ACCSL: variants seen among roughly 807,000 people sequenced by gnomAD.
The protein encoded by ACCSL is 1-aminocyclopropane-1-carboxylate synthase homolog (inactive) like.
ACCSL carries 55 observed loss-of-function variants against 61.7 expected under a neutral mutation model. That is an observed-to-expected ratio of 0.89 (90% CI 0.72 to 1.12). ACCSL has a LOEUF of 1.12. Ranked by LOEUF, ACCSL falls within the 50% of genes most tolerant of loss-of-function variation. The pLI, the probability that ACCSL is intolerant of heterozygous loss-of-function variation, is 0.00. For synonymous variants in ACCSL, 258 were observed against 264.3 expected (o/e 0.98, Z 0.23); for missense variants, 632 against 698.0 (o/e 0.91, Z 1.07).
Position 44,052,667 on chromosome 11 carries a change from T to A in ACCSL, c.778T>A (p.Phe260Ile), listed in dbSNP as rs1952646591. The A allele has an allele frequency of 1.9e-6, 3 of 1,614,144 alleles. No homozygotes were observed. The highest frequency in any genetic ancestry group is 2.5e-6 in the Non-Finnish European group (3 of 1,179,974). ...CTGTCTCTCTGTGTTTCCAGAGGCC[T>A]TCCTGGTCCCTGCTCCCTTCTATGG... ...AMVLCDPGEA[F>I]LVPAPFYGGF... Residue 260 changes from phenylalanine (F) to isoleucine (I), a missense_variant, in exon 6 of 14, where the codon TTC becomes ATC. Transcript: ENST00000378832.
chr11:44,045,537 A>G (rs1461276818), upstream of ACCSL, among the ~76,000 whole-genome samples: 3 of 152,128 alleles, frequency 2.0e-5, no homozygotes, highest in Non-Finnish European at 4.4e-5. Context: ...TTTGCTATAT[A>G]AATCTGCCCT....
the ACCSL span, among the ~76,000 whole-genome samples, chr11:43,949,331 G>T: frequency 1.3e-4 from 20 of 152,108 alleles, no homozygotes; most frequent in Admixed American, 1.3e-3. Flanking sequence ...GTGTTACAAC[G>T]GTCTGCTGGG....
At chr11:43,933,111 A>G in the ACCSL span, 15 of 456,118 alleles carry the variant, frequency 3.3e-5, no homozygotes, top group African/African-American at 2.6e-4. Flanking sequence ...CTCTGCTTCC[A>G]AGGGAGAGAC....
chr11:44,007,045 C>T, the ACCSL span, among the ~76,000 whole-genome samples: 2 of 152,084 alleles, frequency 1.3e-5, no homozygotes, highest in African/African-American at 2.4e-5. Context: ...ACACTACCCC[C>T]GGGGGCCAAA....
At chr11:43,958,961 G>A in the ACCSL span, among the ~76,000 whole-genome samples, 1 of 152,144 alleles carries the variant, frequency 6.6e-6, no homozygotes, top group Non-Finnish European at 1.5e-5. Flanking sequence ...ATCCTTTGGA[G>A]GGGATGAACA....
the ACCSL span, among the ~76,000 whole-genome samples, chr11:43,956,161 C>T: frequency 8.0e-5 from 12 of 150,882 alleles, no homozygotes; most frequent in Admixed American, 7.9e-4. Flanking sequence ...GGAGTCTTTA[C>T]AGCTCAGCGT....
the ACCSL span, among the ~76,000 whole-genome samples, chr11:43,922,586 T>C: frequency 6.6e-6 from 1 of 152,214 alleles, no homozygotes; most frequent in Non-Finnish European, 1.5e-5. Context: ...TTGGGGAAGC[T>C]CCTTTTGAGG....
At chr11:44,019,927 C>T in the ACCSL span, among the ~76,000 whole-genome samples, 2 of 152,196 alleles carry the variant, frequency 1.3e-5, no homozygotes, top group East Asian at 3.8e-4. Flanking sequence ...AATTTTTGCA[C>T]ATGGTATAAG....
chr11:44,009,951 G>T, the ACCSL span, among the ~76,000 whole-genome samples: 1 of 152,140 alleles, frequency 6.6e-6, no homozygotes, highest in Admixed American at 6.5e-5. Flanking sequence ...TCTTATTAAT[G>T]ATGGTAAATG....
the ACCSL span, among the ~76,000 whole-genome samples, chr11:43,990,304 T>C: frequency 6.6e-6 from 1 of 152,156 alleles, no homozygotes; most frequent in Admixed American, 6.5e-5. Flanking sequence ...TTATAAATCA[T>C]AGTAATTTAT....
At chr11:44,013,706 A>G in the ACCSL span, among the ~76,000 whole-genome samples, 1 of 152,198 alleles carries the variant, frequency 6.6e-6, no homozygotes, top group African/African-American at 2.4e-5. Flanking sequence ...TTGTGAGCAT[A>G]TAGTGATTCT....
chr11:44,006,980 A>T, the ACCSL span, among the ~76,000 whole-genome samples: 1 of 152,182 alleles, frequency 6.6e-6, no homozygotes, highest in East Asian at 1.9e-4. Context: ...GAGCGTCAAG[A>T]ATCCTCGTAG....
the ACCSL span, among the ~76,000 whole-genome samples, chr11:43,953,508 G>A: frequency 3.7e-5 from 5 of 136,014 alleles, no homozygotes; most frequent in East Asian, 2.2e-4. Context: ...GTGACAGAGC[G>A]AGACTCTGAC....
chr11:43,942,518 G>T, the ACCSL span: 1 of 233,094 alleles, frequency 4.3e-6, no homozygotes, highest in Non-Finnish European at 8.7e-6. Flanking sequence ...GCGGCGGGGC[G>T]ACGTCAGGCG....
chr11:43,996,886 C>A, the ACCSL span, among the ~76,000 whole-genome samples: 3 of 151,608 alleles, frequency 2.0e-5, no homozygotes, highest in African/African-American at 7.3e-5. Flanking sequence ...ACACTCGGCT[C>A]ACTGCAACCT....
chr11:43,994,344 G>A, the ACCSL span, among the ~76,000 whole-genome samples: 1,241 of 152,304 alleles, frequency 8.1e-3, 12 homozygotes, highest in East Asian at 0.03. Flanking sequence ...GTCTGCATGT[G>A]CAGCTGTTAT....
the ACCSL span, among the ~76,000 whole-genome samples, chr11:44,027,624 A>T: frequency 6.6e-6 from 1 of 152,146 alleles, no homozygotes; most frequent in African/African-American, 2.4e-5. Context: ...AGGTTAAAGG[A>T]GGTGAAGAAA....
chr11:44,030,057 A>ATT, the ACCSL span, among the ~76,000 whole-genome samples: 257 of 4,446 alleles, frequency 0.058, 98 homozygotes, highest in African/African-American at 0.063. Flanking sequence ...TCTTTGGTTG[A>ATT]TTTTTTTTTT....
chr11:43,969,936 G>GTCCC, the ACCSL span, among the ~76,000 whole-genome samples: 1 of 151,490 alleles, frequency 6.6e-6, no homozygotes, highest in Non-Finnish European at 1.5e-5. Context: ...CATACACCTT[G>GTCCC]TCCCTGCTCC....
Sources: allele counts gnomAD v4.1 joint callset (sites outside exome capture counted in the v4.1 genomes callset), GRCh38; gene constraint gnomAD v4.1.1; transcripts MANE v1.5; gene names NCBI Gene and HGNC (gene_info 2026-07-23, HGNC 2026-07-21).